The following TMEM237 variants were observed in gnomAD, a reference collection of about 807,000 sequenced individuals.
The protein encoded by TMEM237 is amyotrophic lateral sclerosis 2 (juvenile) chromosome region, candidate 4.
TMEM237 carries 51 observed loss-of-function variants against 59.1 expected under a neutral mutation model. That is an observed-to-expected ratio of 0.86 (90% CI 0.69 to 1.09). The LOEUF (loss-of-function observed/expected upper bound fraction) is 1.09, where lower values mean the gene tolerates loss of function less well. TMEM237 is among the 50% of genes least tolerant of loss of function. The pLI is 0.00. For synonymous variants in TMEM237, 140 were observed against 166.1 expected, an observed-to-expected ratio of 0.84 and a Z score of 1.21; for missense variants, 475 against 478.3, an observed-to-expected ratio of 0.99 and a Z score of 0.06.
At chr2:201,630,608 A>G (rs1472805918) in intron 7 of TMEM237, among the ~76,000 whole-genome samples, 1 of 152,224 alleles carries the variant, frequency 6.6e-6, no homozygotes, top group Non-Finnish European at 1.5e-5. Flanking sequence ...TGGGCAGACA[A>G]TAGAACCACT....
At chr2:201,642,913 C>T (rs1260127939) in intron 1 of TMEM237, 2 of 1,334,612 alleles carry the variant, frequency 1.5e-6, no homozygotes, top group Non-Finnish European at 1.9e-6. Context: ...CCCGTGGTTT[C>T]CTAAGTGGTG....
intron 12 of TMEM237, 55 bp downstream of exon 12, chr2:201,625,970 TA>T: frequency 6.6e-7 from 1 of 1,518,120 alleles, no homozygotes; most frequent in Non-Finnish European, 8.9e-7. Context: ...AGGAGGTTTA[TA>T]AAACCATTAT....
intron 1 of TMEM237, 72 bp from the exon 2 acceptor site, chr2:201,640,996 ATT>A (rs370408283): frequency 1.7e-3 from 1,840 of 1,060,042 alleles, no homozygotes; most frequent in South Asian, 3.9e-3. Context: ...CCATCACGCT[ATT>A]TTTTTTTTTT....
intron 4 of TMEM237, 147 bp downstream of exon 4, chr2:201,638,842 A>C (rs1687353488): frequency 1.3e-6 from 1 of 772,444 alleles, no homozygotes; most frequent in South Asian, 1.9e-5. Flanking sequence ...CAGGAATTCC[A>C]CTGCTTCAAA....
At chr2:201,627,073 C>G (rs1957765892) in intron 11 of TMEM237, among the ~76,000 whole-genome samples, 1 of 133,220 alleles carries the variant, frequency 7.5e-6, no homozygotes, top group African/African-American at 2.7e-5. Context: ...CAGCGAGACT[C>G]TATCTCGAAA....
chr2:201,642,683 C>T (rs542592952), intron 1 of TMEM237: 3 of 1,601,158 alleles, frequency 1.9e-6, no homozygotes, highest in African/African-American at 1.4e-5. Flanking sequence ...CGCCCCACCC[C>T]TCCCGGCTCG....
At chr2:201,631,700 T>C (rs926205706) in intron 7 of TMEM237, among the ~76,000 whole-genome samples, 1 of 152,218 alleles carries the variant, frequency 6.6e-6, no homozygotes, top group Non-Finnish European at 1.5e-5. Flanking sequence ...TTCAAGTCTT[T>C]TGTCCTATGC....
intron 9 of TMEM237, among the ~76,000 whole-genome samples, chr2:201,628,484 GGCTAAATTGTGTTCCCAAAAAGA>G (rs1209237055): frequency 6.6e-6 from 1 of 151,614 alleles, no homozygotes; most frequent in Non-Finnish European, 1.5e-5. Context: ...TTTTAAAAGG[GGCTAAATTGTGTTCCCAAAAAGA>G]TATGTTGAAC....
chr2:201,630,065 G>T (rs182497093), intron 7 of TMEM237, among the ~76,000 whole-genome samples: 86 of 152,134 alleles, frequency 5.7e-4, no homozygotes, highest in Non-Finnish European at 9.1e-4. Context: ...AATAAGCGAT[G>T]TCAGTGTATT....
intron 1 of TMEM237, chr2:201,642,647 G>A: frequency 6.2e-7 from 1 of 1,607,808 alleles, no homozygotes; most frequent in Non-Finnish European, 8.5e-7. Context: ...GCCGGCCTCG[G>A]CGGCCGCCGG....
rs1957726438 is a variant in TMEM237 at position 201,623,236 on chromosome 2, G to C, written c.*1019C>G. 4.6e-6 allele frequency: 2 copies of C among 437,884 alleles called. No homozygotes were observed. The highest frequency in any genetic ancestry group is 9.2e-6 in the Non-Finnish European group (2 of 216,902). The allele number at this position is 437,884 out of a possible 1,614,324, so 27.1% of individuals were successfully genotyped here. ...GCAGGCTCAATAGTTTTATTGATGT[G>C]CTCAACAGCCTTTGAAACATTTTTT... On this transcript the variant is annotated 3_prime_UTR_variant, in exon 13 of 13. Coordinates refer to ENST00000409883, the MANE Select transcript of TMEM237 (RefSeq NM_001044385.3).
intron 3 of TMEM237, 55 bp downstream of exon 3, chr2:201,640,206 G>T: frequency 6.9e-7 from 1 of 1,442,226 alleles, no homozygotes; most frequent in East Asian, 2.5e-5. Flanking sequence ...AACAAACCAA[G>T]GAATCAAACT....
At position 201,629,265 on chromosome 2, in the gene TMEM237, C is replaced by T; in HGVS notation, c.834G>A (p.Leu278=). Residue 278 remains leucine, a synonymous_variant, in exon 9 of 13, where the codon TTG becomes TTA. Transcript: ENST00000409883. ...CTGAAATTGTACTCAGAGCCAAAAG[C>T]AAGTACAGAAGACTCTGGAATGGAT... ...LAYPFQSLLY[L]LLALSTISAF... The T allele has an allele frequency of 6.3e-7, 1 of 1,586,026 alleles. No individual in the cohort carries two copies. The highest frequency in any genetic ancestry group is 1.2e-5 in the South Asian group (1 of 84,930).
Position 201,629,790 on chromosome 2 carries a change from T to C in TMEM237, c.616A>G (p.Met206Val), listed in dbSNP as rs370305337. ...GTGGTCCAGGAAGGCTTCACGTCCA[T>C]TGACACATCTATGTTTTCTGTGGTC... ...IKTTENIDVS[M>V]DVKPSWTTRD... Residue 206 changes from methionine (M) to valine (V), a missense_variant, in exon 8 of 13, where the codon ATG (methionine) becomes GTG (valine). Physicochemically the swap from Met to Val is conservative, Grantham distance 21. Transcript: ENST00000409883. 3.7e-6 allele frequency: 6 copies of C among 1,613,582 alleles called. No homozygotes were observed. In the African/African-American group the frequency reaches 4.0e-5, roughly 11 times the overall value.
chr2:201,626,308 A>G (rs1957758496), intron 11 of TMEM237, 161 bp from the exon 12 acceptor site: 1 of 710,722 alleles, frequency 1.4e-6, no homozygotes, highest in Admixed American at 3.0e-5. Flanking sequence ...TATACCACAT[A>G]TATAATGAGA....
intron 3 of TMEM237, among the ~76,000 whole-genome samples, 184 bp downstream of exon 3, chr2:201,640,077 G>T (rs927519764): frequency 1.3e-5 from 2 of 152,206 alleles, no homozygotes; most frequent in Non-Finnish European, 2.9e-5. Flanking sequence ...TTTTATAATG[G>T]AAAGGTCATC....
At chr2:201,632,662 T>C (rs549589471) in intron 6 of TMEM237, among the ~76,000 whole-genome samples, 2 of 152,324 alleles carry the variant, frequency 1.3e-5, no homozygotes, top group East Asian at 3.9e-4. Flanking sequence ...AGGGTGTGTT[T>C]GCTTCACCTT....
chr2:201,628,535 T>A (rs1957779653), intron 9 of TMEM237, among the ~76,000 whole-genome samples: 1 of 152,162 alleles, frequency 6.6e-6, no homozygotes, highest in African/African-American at 2.4e-5. Context: ...CTGGAGTACT[T>A]ATGAATGTGA....
chr2:201,625,233 G>T (rs531974500), intron 12 of TMEM237, among the ~76,000 whole-genome samples: 10 of 152,040 alleles, frequency 6.6e-5, no homozygotes, highest in Admixed American at 2.0e-4. Flanking sequence ...GTGGTGGCGG[G>T]CGCCTGTAGT....
Sources: allele counts gnomAD v4.1 joint callset (sites outside exome capture counted in the v4.1 genomes callset), GRCh38; gene constraint gnomAD v4.1.1; transcripts MANE v1.5; gene names NCBI Gene and HGNC (gene_info 2026-07-23, HGNC 2026-07-21).